The following NBAS variants were observed in gnomAD, a reference collection of about 807,000 sequenced individuals.
NBAS encodes NBAS subunit of NRZ tethering complex, also known as NAG/BC035112 fusion.
NBAS carries 219 observed loss-of-function variants against 302.5 expected under a neutral mutation model. That is an observed-to-expected ratio of 0.72 (90% confidence interval 0.65 to 0.81). The LOEUF (loss-of-function observed/expected upper bound fraction) is 0.81, where lower values mean the gene tolerates loss of function less well. Among genes scored for constraint, NBAS ranks in the 30% least tolerant of loss-of-function variants. The pLI is 0.00. For missense variants in NBAS, 2,932 were observed against 2,841.6 expected (o/e 1.03, Z -0.72); for synonymous variants, 1,118 against 1,021.6 (o/e 1.09, Z -1.80).
chr2:15,541,172 T>C (rs1663799616), intron 6 of NBAS, among the ~76,000 whole-genome samples: 1 of 152,230 alleles, frequency 6.6e-6, no homozygotes, highest in Admixed American at 6.5e-5. Context: ...TGTACATACC[T>C]CTTTCATAGC....
chr2:15,434,590 G>A (rs1323581539), intron 21 of NBAS, among the ~76,000 whole-genome samples: 1 of 152,120 alleles, frequency 6.6e-6, no homozygotes, highest in African/African-American at 2.4e-5. Flanking sequence ...TACGTAAAAT[G>A]TTTATAAATA....
At chr2:15,250,814 T>C (rs1277388932) in intron 44 of NBAS, among the ~76,000 whole-genome samples, 1 of 152,156 alleles carries the variant, frequency 6.6e-6, no homozygotes, top group African/African-American at 2.4e-5. Context: ...AAACAACAGA[T>C]ACTGGAGAGG....
At chr2:15,426,449 T>C (rs182279399) in intron 22 of NBAS, among the ~76,000 whole-genome samples, 10 of 152,324 alleles carry the variant, frequency 6.6e-5, no homozygotes, top group Admixed American at 5.9e-4. Flanking sequence ...CTTTCATCTA[T>C]AACTTGAATA....
downstream of NBAS, among the ~76,000 whole-genome samples, chr2:15,163,704 T>C (rs567472693): frequency 3.3e-5 from 5 of 152,178 alleles, no homozygotes; most frequent in South Asian, 1.0e-3. Context: ...ACACACCTTC[T>C]GGAAAATCTG....
intron 35 of NBAS, among the ~76,000 whole-genome samples, chr2:15,347,467 C>T (rs1328748117): frequency 6.6e-6 from 1 of 152,200 alleles, no homozygotes; most frequent in Non-Finnish European, 1.5e-5. Context: ...TGACATTCTG[C>T]TCACTTTTAT....
intron 38 of NBAS, among the ~76,000 whole-genome samples, chr2:15,317,352 A>G (rs1671562160): frequency 6.6e-6 from 1 of 152,214 alleles, no homozygotes; most frequent in Non-Finnish European, 1.5e-5. Flanking sequence ...CCTCCAATGG[A>G]TCACAGCTCC....
At chr2:15,028,454 A>T in the NBAS span, among the ~76,000 whole-genome samples, 1 of 152,242 alleles carries the variant, frequency 6.6e-6, no homozygotes, top group Non-Finnish European at 1.5e-5. Context: ...GCAAAATCTG[A>T]TAAAGCTAGG....
intron 44 of NBAS, among the ~76,000 whole-genome samples, chr2:15,258,197 T>C (rs1383849843): frequency 6.6e-6 from 1 of 152,188 alleles, no homozygotes; most frequent in Non-Finnish European, 1.5e-5. Context: ...ATCTCTTAAT[T>C]CTGTTATCTT....
intron 21 of NBAS, among the ~76,000 whole-genome samples, chr2:15,431,734 A>T (rs1677776464): frequency 6.6e-6 from 1 of 152,164 alleles, no homozygotes; most frequent in African/African-American, 2.4e-5. Context: ...GAGAACAACA[A>T]TGTTTTCCTA....
In NBAS at chr2:15,238,479, T is replaced by A; in HGVS notation, c.5932A>T (p.Asn1978Tyr). The A allele has an allele frequency of 1.2e-6, 2 of 1,614,140 alleles. No homozygotes were observed. Among genetic ancestry groups the A allele is most frequent in the Non-Finnish European group, 1.7e-6 (2 of 1,179,954 alleles). ...TCCCATTTCTTTACCTGCTCACTAT[T>A]CTTCAGAGAAAGGATGAAGCTGTGG... ...LSHSFILSLK[N>Y]SEQETLQKYS... Residue 1978 changes from asparagine (N) to tyrosine (Y), a missense_variant, in exon 45 of 52, where the codon AAT (asparagine) becomes TAT (tyrosine). Transcript: ENST00000281513.
rs75575089 is a variant in NBAS, at chr2:15,427,894, T to A, written c.2340-100A>T. 7.5e-3 allele frequency: 6,454 copies of A among 856,840 alleles called. 124 individuals carry two copies. Among genetic ancestry groups the A allele is most frequent in the East Asian group, 0.048 (1,817 of 37,672 alleles). 53.1% of individuals were successfully genotyped at this position (856,840 alleles called of 1,614,324 possible). On this transcript the variant is annotated intron_variant, in intron 21 of 51. Coordinates refer to ENST00000281513, the MANE Select transcript of NBAS (RefSeq NM_015909.4). ...AAACAGCATCTCTATAACATTAATA[T>A]CTAAGATTCATGCTTATAGTATTTT...
At chr2:14,788,693 A>T in the NBAS span, among the ~76,000 whole-genome samples, 1 of 152,154 alleles carries the variant, frequency 6.6e-6, no homozygotes, top group Non-Finnish European at 1.5e-5. Context: ...GTTTTGTCTC[A>T]GAGGAGTACC....
the NBAS span, among the ~76,000 whole-genome samples, chr2:14,981,694 A>G: frequency 6.6e-6 from 1 of 152,224 alleles, no homozygotes; most frequent in Admixed American, 6.5e-5. Flanking sequence ...GTGATTAAGA[A>G]GCAGAGGTGT....
At chr2:15,098,974 T>TAC in the NBAS span, among the ~76,000 whole-genome samples, 1,049 of 150,650 alleles carry the variant, frequency 7.0e-3, 10 homozygotes, top group African/African-American at 0.022. Context: ...CATATATATA[T>TAC]ACACACACAC....
chr2:15,021,148 G>A, the NBAS span, among the ~76,000 whole-genome samples: 5 of 152,156 alleles, frequency 3.3e-5, no homozygotes, highest in South Asian at 4.2e-4. Context: ...CAGGAGAATC[G>A]CTTGAACCTG....
chr2:14,898,953 G>C, the NBAS span, among the ~76,000 whole-genome samples: 5 of 152,112 alleles, frequency 3.3e-5, no homozygotes, highest in African/African-American at 1.2e-4. Context: ...ACTTTTATGG[G>C]CCTCACTTGG....
At chr2:15,446,750 A>G (rs980589846) in intron 21 of NBAS, among the ~76,000 whole-genome samples, 3 of 152,192 alleles carry the variant, frequency 2.0e-5, no homozygotes, top group Admixed American at 2.0e-4. Context: ...ACAATAGTGC[A>G]AAAGCCAGAA....
At chr2:14,902,955 A>G in the NBAS span, among the ~76,000 whole-genome samples, 1 of 152,212 alleles carries the variant, frequency 6.6e-6, no homozygotes, top group Non-Finnish European at 1.5e-5. Flanking sequence ...GGGTAAGCCC[A>G]TGATAAAAGC....
chr2:15,021,917 A>G, the NBAS span, among the ~76,000 whole-genome samples: 1 of 152,216 alleles, frequency 6.6e-6, no homozygotes, highest in Non-Finnish European at 1.5e-5. Context: ...TTGAGGGTTC[A>G]GGTTCCCCAG....
Sources: gnomAD v4.1 joint callset for allele counts (sites outside exome capture counted in the v4.1 genomes callset) on GRCh38, gnomAD v4.1.1 for gene constraint, MANE v1.5 for transcripts, NCBI Gene and HGNC (gene_info 2026-07-23, HGNC 2026-07-21) for gene names.